PCDHGB5: variants seen among roughly 807,000 people sequenced by gnomAD.
PCDHGB5 encodes the protein protocadherin gamma subfamily B, 5, also known as protocadherin gamma-B5.
PCDHGB5 carries 48 observed loss-of-function variants against 62.9 expected under a neutral mutation model. That is an observed-to-expected ratio of 0.76 (90% CI 0.61 to 0.97). The LOEUF (loss-of-function observed/expected upper bound fraction) is 0.97. PCDHGB5 is among the 50% of genes least tolerant of loss of function. The pLI is 0.00. For synonymous variants in PCDHGB5, 474 were observed against 511.2 expected (o/e 0.93, Z 0.98); for missense variants, 1,118 against 1,198.6 (o/e 0.93, Z 0.99).
chr5:141,412,357 T>A (rs756056496), intron 1 of PCDHGB5: 17 of 152,366 alleles, frequency 1.1e-4, no homozygotes, highest in Middle Eastern at 3.4e-3. Context: ...TAGTTTGTGA[T>A]TACCTGCTTA....
Position 141,512,495 on chromosome 5 carries a change from C to T in PCDHGB5, c.*1322C>T, listed in dbSNP as rs2099884264. 1 of 152,920 alleles carries T rather than the reference C, an allele frequency of 6.5e-6. No homozygotes were observed. The highest frequency in any genetic ancestry group is 1.5e-5 in the Non-Finnish European group (1 of 68,240). The allele number at this position is 152,920 out of a possible 1,614,324, so 9.5% of individuals were successfully genotyped here. A position where few individuals can be genotyped will look rare whatever the true frequency, so the allele number is the denominator to read the frequency against. On this transcript the variant is annotated 3_prime_UTR_variant, in exon 4 of 4. Coordinates refer to ENST00000617380, the MANE Select transcript of PCDHGB5 (RefSeq NM_018925.3). ...TTCCGTGAAGGCCACTGCCCAGGTCCCCAGTGCGCCCCCTAGTGGCCATAG... is the reference window on the plus strand; with the variant it reads ...TTCCGTGAAGGCCACTGCCCAGGTCTCCAGTGCGCCCCCTAGTGGCCATAG...
chr5:141,409,178 G>C, intron 1 of PCDHGB5: 1 of 1,613,994 alleles, frequency 6.2e-7, no homozygotes, highest in Non-Finnish European at 8.5e-7. Context: ...GGACGGAGGT[G>C]GTCTCTCTAC....
intron 1 of PCDHGB5, chr5:141,404,042 A>G: frequency 3.1e-6 from 5 of 1,613,892 alleles, no homozygotes; most frequent in Non-Finnish European, 4.2e-6. Context: ...ACCTCAGGGA[A>G]CAGTAATTCT....
At chr5:141,441,747 G>A in intron 1 of PCDHGB5, 2 of 372,470 alleles carry the variant, frequency 5.4e-6, no homozygotes, top group Non-Finnish European at 5.4e-6. Flanking sequence ...CGCGCTCGGC[G>A]TCAACGTGAG....
intron 1 of PCDHGB5, among the ~76,000 whole-genome samples, chr5:141,484,202 T>C (rs2099593138): frequency 6.6e-6 from 1 of 152,214 alleles, no homozygotes; most frequent in Non-Finnish European, 1.5e-5. Context: ...ATTAAATCTA[T>C]GAACATTAGC....
At chr5:141,509,908 G>A (rs376035312) in intron 3 of PCDHGB5, among the ~76,000 whole-genome samples, 1 of 152,164 alleles carries the variant, frequency 6.6e-6, no homozygotes, top group African/African-American at 2.4e-5. Flanking sequence ...TCCAGCATGC[G>A]CTTAGGTACA....
chr5:141,487,750 T>A lies in PCDHGB5; in HGVS notation c.2398-7057T>A, dbSNP rs2099664307. On this transcript the variant is annotated intron_variant, in intron 1 of 3. Coordinates refer to ENST00000617380, the MANE Select transcript of PCDHGB5 (RefSeq NM_018925.3). The surrounding 1 kb of genome is among the most constrained non-coding windows in gnomAD (Gnocchi z 5.0). Reference sequence around the variant, plus strand: ...TCACCATTTTTGTAAGAGGTAACTATGTGGTAGACGCTGTGCTTTGTAACT... The same window carrying A: ...TCACCATTTTTGTAAGAGGTAACTAAGTGGTAGACGCTGTGCTTTGTAACT... 1 of 1,555,392 alleles carries A rather than the reference T, an allele frequency of 6.4e-7. No homozygotes were observed. Among genetic ancestry groups the A allele is most frequent in the African/African-American group, 1.4e-5 (1 of 73,376 alleles).
intron 1 of PCDHGB5, chr5:141,413,201 A>G (rs746209535): frequency 1.9e-6 from 3 of 1,611,954 alleles, no homozygotes; most frequent in Non-Finnish European, 2.5e-6. Context: ...AATCGCTCAA[A>G]GGAATCAAAG....
chr5:141,438,595 T>TAC (rs2098000070), intron 1 of PCDHGB5, among the ~76,000 whole-genome samples: 6 of 58,022 alleles, frequency 1.0e-4, no homozygotes, highest in African/African-American at 1.8e-4. Context: ...TACATACATA[T>TAC]ATATATATAT....
At position 141,486,368 on chromosome 5, in the gene PCDHGB5, T is replaced by C. The variant is rs1217513529; in HGVS notation, c.2398-8439T>C. 6.2e-7 allele frequency: 1 copy of C among 1,614,014 alleles called. No homozygotes were observed. Among genetic ancestry groups the C allele is most frequent in the Non-Finnish European group, 8.5e-7 (1 of 1,180,000 alleles). On this transcript the variant is annotated intron_variant, in intron 1 of 3. Coordinates refer to ENST00000617380, the MANE Select transcript of PCDHGB5 (RefSeq NM_018925.3). This position sits in a 1 kb window ranked among gnomAD's most constrained non-coding sequence, Gnocchi z 5.0. ...TGACCACTTGCCATTTGCCCTCAAGTCTGCCTTCAGGAACCAGTTCTCCCT... is the reference window on the plus strand; with the variant it reads ...TGACCACTTGCCATTTGCCCTCAAGCCTGCCTTCAGGAACCAGTTCTCCCT...
At chr5:141,494,161 T>G (rs1420295862) in intron 1 of PCDHGB5, among the ~76,000 whole-genome samples, 3 of 152,052 alleles carry the variant, frequency 2.0e-5, no homozygotes, top group African/African-American at 7.3e-5. Flanking sequence ...TGGCACGGAG[T>G]TCTAGGGGTG....
In PCDHGB5 at chr5:141,422,440, T is replaced by G. The variant is rs1028472076; in HGVS notation, c.2397+21916T>G. 11 of 1,610,116 alleles carry G rather than the reference T, an allele frequency of 6.8e-6. No homozygotes were observed. The highest frequency in any genetic ancestry group is 2.7e-5 in the African/African-American group (2 of 74,560). On this transcript the variant is annotated intron_variant, in intron 1 of 3. Transcript: ENST00000617380. ...AAAGACTTATGGAAATTATTACAAATTGATAACAAGCAGAGTGCTGGACAG... is the reference window on the plus strand; with the variant it reads ...AAAGACTTATGGAAATTATTACAAAGTGATAACAAGCAGAGTGCTGGACAG...
intron 1 of PCDHGB5, chr5:141,409,110 A>T: frequency 6.2e-7 from 1 of 1,614,060 alleles, no homozygotes; most frequent in Non-Finnish European, 8.5e-7. Context: ...ATGATTAAGA[A>T]TAACCAGTCA....
At chr5:141,428,313 C>T in intron 1 of PCDHGB5, 1 of 671,482 alleles carries the variant, frequency 1.5e-6, no homozygotes, top group Non-Finnish European at 2.6e-6. Context: ...TGGTCGTGGC[C>T]TTGGCCTTGA....
At position 141,494,872 on chromosome 5, in the gene PCDHGB5, G is replaced by T. The variant is rs917132299; in HGVS notation, c.2456+7G>T. On this transcript the variant is annotated splice_region_variant and intron_variant, in intron 2 of 3. Transcript: ENST00000617380. The stretch of plus-strand genomic sequence containing the variant: ...AGAGACCCGGCACCAGCGGGTAGGT[G>T]ACTGATTCTCCAGCCCACCCTCTTC... 7 of 1,614,010 alleles carry T rather than the reference G, an allele frequency of 4.3e-6. No homozygotes were observed. The highest frequency in any genetic ancestry group is 1.3e-5 in the African/African-American group (1 of 74,910).
chr5:141,415,654 A>G, intron 1 of PCDHGB5: 1 of 1,573,242 alleles, frequency 6.4e-7, no homozygotes. Flanking sequence ...AAAAAAAAAG[A>G]TTGGTTTTTA....
intron 1 of PCDHGB5, chr5:141,408,445 C>T (rs759314379): frequency 2.5e-6 from 4 of 1,613,846 alleles, no homozygotes; most frequent in Admixed American, 1.7e-5. Flanking sequence ...ACGCGGAGAG[C>T]GGGGACTTAC....
rs766092387 is a variant in PCDHGB5 at position 141,491,171 on chromosome 5, T to C, written c.2398-3636T>C. 7.4e-6 allele frequency: 12 copies of C among 1,613,968 alleles called. No individual in the cohort carries two copies. The highest frequency in any genetic ancestry group is 1.3e-5 in the African/African-American group (1 of 74,904). On this transcript the variant is annotated intron_variant, in intron 1 of 3. Coordinates refer to ENST00000617380, the MANE Select transcript of PCDHGB5 (RefSeq NM_018925.3). The surrounding 1 kb of genome is among the most constrained non-coding windows in gnomAD (Gnocchi z 6.9). The stretch of plus-strand genomic sequence containing the variant: ...GAGGATGACTCTGACACCCAGCAGG[T>C]GGTGGTCCTGGTGAGGGACAATGGT...
chr5:141,489,229 G>C lies in PCDHGB5; in HGVS notation c.2398-5578G>C. The C allele has an allele frequency of 6.6e-7, 1 of 1,522,252 alleles. No homozygotes were observed. Among genetic ancestry groups the C allele is most frequent in the Non-Finnish European group, 8.8e-7 (1 of 1,133,810 alleles). The allele number at this position is 1,522,252 out of a possible 1,614,324, so 94.3% of individuals were successfully genotyped here. On this transcript the variant is annotated intron_variant, in intron 1 of 3. Coordinates refer to ENST00000617380, the MANE Select transcript of PCDHGB5 (RefSeq NM_018925.3). This position sits in a 1 kb window ranked among gnomAD's most constrained non-coding sequence, Gnocchi z 4.5. ...AGCACAGACTTACTCTCCACAAAGG[G>C]ACTTCTGGGTCATGGGGCCCAAGAC...
Sources: allele counts gnomAD v4.1 joint callset (sites outside exome capture counted in the v4.1 genomes callset), GRCh38; gene constraint gnomAD v4.1.1; non-coding constraint Gnocchi (gnomAD v3.1); transcripts MANE v1.5; gene names NCBI Gene and HGNC (gene_info 2026-07-23, HGNC 2026-07-21).